AFAP1L2: variants seen among roughly 807,000 people sequenced by gnomAD.
The protein encoded by AFAP1L2 is actin filament-associated protein 1-like 2.
A neutral mutation model predicts 99.3 loss-of-function variants in AFAP1L2; 46 were observed. The ratio of observed to expected loss-of-function variants is 0.46; its 90% CI spans 0.37 to 0.59. AFAP1L2 has a LOEUF of 0.59. AFAP1L2 is among the 20% of genes least tolerant of loss of function. The pLI, the probability that AFAP1L2 is intolerant of heterozygous loss-of-function variation, is 0.00. For synonymous variants in AFAP1L2, 397 were observed against 419.1 expected, an observed-to-expected ratio of 0.95 and a Z score of 0.64; for missense variants, 959 against 1,034.9, an observed-to-expected ratio of 0.93 and a Z score of 1.01.
chr10:114,404,518 AGC>A, upstream of AFAP1L2: 1 of 1,506,598 alleles, frequency 6.6e-7, no homozygotes, highest in Non-Finnish European at 8.8e-7. Flanking sequence ...CGCTCGGCTC[AGC>A]GCCCAGGCCG....
chr10:114,398,057 C>T (rs1223129375), intron 1 of AFAP1L2, among the ~76,000 whole-genome samples: 6 of 152,220 alleles, frequency 3.9e-5, no homozygotes, highest in South Asian at 2.1e-4. Flanking sequence ...CAATGCAACG[C>T]GTCCAGGGGG....
At chr10:114,367,661 T>G (rs73369114) in intron 1 of AFAP1L2, among the ~76,000 whole-genome samples, 28 of 152,120 alleles carry the variant, frequency 1.8e-4, no homozygotes, top group Non-Finnish European at 3.7e-4. Flanking sequence ...AAGACAGGAA[T>G]GAAGGCTCTG....
At chr10:114,285,963 G>A in the AFAP1L2 span, 4 of 1,605,752 alleles carry the variant, frequency 2.5e-6, no homozygotes, top group Non-Finnish European at 3.4e-6. Flanking sequence ...CTGGAATGCA[G>A]GGTCGACCTC....
chr10:114,308,023 T>A, intron 9 of AFAP1L2, 114 bp from the exon 10 acceptor site: 1 of 843,532 alleles, frequency 1.2e-6, no homozygotes, highest in Non-Finnish European at 2.0e-6. Flanking sequence ...CCCTCCCCGC[T>A]ACATATGCGC....
rs773683919 is a variant in AFAP1L2, at chr10:114,300,586, G to A, written c.1647C>T (p.Gly549=). The A allele has an allele frequency of 1.2e-6, 2 of 1,614,070 alleles. No individual in the cohort carries two copies. The highest frequency in any genetic ancestry group is 1.3e-5 in the African/African-American group (1 of 74,932). Reference sequence around the variant, plus strand: ...AGGCCTGGGCCTGTGCACTGCTGGGGCCATGCAGAAAGGACTTGACAGGTG... The same window carrying A: ...AGGCCTGGGCCTGTGCACTGCTGGGACCATGCAGAAAGGACTTGACAGGTG... ...DLTPVKSFLH[G]PSSAQAQASS... is the part of the protein sequence containing the mutation. The change falls in exon 14 of 19, where the codon GGC becomes GGT. Residue 549 remains glycine (G), a synonymous_variant. Coordinates refer to ENST00000304129, the MANE Select transcript of AFAP1L2 (RefSeq NM_001001936.3).
intron 1 of AFAP1L2, among the ~76,000 whole-genome samples, chr10:114,354,188 G>A (rs1590457582): frequency 2.0e-5 from 3 of 152,310 alleles, no homozygotes; most frequent in African/African-American, 7.2e-5. Context: ...CACAAGAAAA[G>A]GGTCTGCCTA....
At chr10:114,337,674 T>C (rs2048187958) in intron 2 of AFAP1L2, among the ~76,000 whole-genome samples, 2 of 152,138 alleles carry the variant, frequency 1.3e-5, no homozygotes, top group Admixed American at 1.3e-4. Context: ...AGCCACATCA[T>C]AGGTTAATTC....
rs1001597688 is a variant in AFAP1L2 at position 114,301,452 on chromosome 10, T to C, written c.1444A>G (p.Lys482Glu). 6.2e-7 allele frequency: 1 copy of C among 1,613,582 alleles called. No homozygotes were observed. The highest frequency in any genetic ancestry group is 1.3e-5 in the African/African-American group (1 of 75,032). ...ATGTAAGTGTTGGGCTCTGAGAACT[T>C]TCTCTGCATCAGTCTGGAAACAGGG... ...AKNSLLLMQRKFSEPNTYIDG... is the reference protein window; with the variant it reads ...AKNSLLLMQREFSEPNTYIDG... The change falls in exon 13 of 19, where the codon AAG becomes GAG. Residue 482 changes from lysine to glutamate, a missense_variant. Lys to Glu is a moderately conservative substitution (Grantham distance 56). Transcript: ENST00000304129.
Position 114,377,686 on chromosome 10 carries a change from T to C in AFAP1L2, c.16+26754A>G, listed in dbSNP as rs1041027988. Among the ~76,000 whole-genome samples the C allele has an allele frequency of 2.6e-5, 4 of 152,226 alleles. No individual in the cohort carries two copies. Among genetic ancestry groups the C allele is most frequent in the Non-Finnish European group, 5.9e-5 (4 of 68,044 alleles). Reference sequence around the variant, plus strand: ...TTTATTGAGCTGTCATACTTCAAGATACAAAAATGAGCAAGATGCATTTCT... The same window carrying C: ...TTTATTGAGCTGTCATACTTCAAGACACAAAAATGAGCAAGATGCATTTCT... On this transcript the variant is annotated intron_variant, in intron 1 of 18. Coordinates refer to ENST00000304129, the MANE Select transcript of AFAP1L2 (RefSeq NM_001001936.3). The surrounding 1 kb of genome is among the most constrained non-coding windows in gnomAD (Gnocchi z 4.0).
In AFAP1L2 at chr10:114,302,444, A is replaced by G. The variant is rs761147996; in HGVS notation, c.1325T>C (p.Leu442Pro). 2 of 1,614,142 alleles carry G rather than the reference A, an allele frequency of 1.2e-6. No homozygotes were observed. Among genetic ancestry groups the G allele is most frequent in the East Asian group, 4.5e-5 (2 of 44,882 alleles). Residue 442 changes from leucine (L) to proline (P), a missense_variant, in exon 12 of 19, where the codon CTG becomes CCG. Transcript: ENST00000304129. ...TGTCTTGGAGCCTGACTCAGAGAGC[A>G]GGAGACCCAGCCAGTGGCCCATTTC... Reference protein sequence around the residue: ...SEEMGHWLGLLLSESGSKTDP... With the variant: ...SEEMGHWLGLPLSESGSKTDP...
At chr10:114,402,777 T>C (rs887012864) in intron 1 of AFAP1L2, among the ~76,000 whole-genome samples, 7 of 152,198 alleles carry the variant, frequency 4.6e-5, no homozygotes, top group Non-Finnish European at 1.0e-4. Context: ...CAAATGTGAT[T>C]TGCCCTGATT....
At chr10:114,403,353 C>T (rs2058400987) in intron 1 of AFAP1L2, among the ~76,000 whole-genome samples, 1 of 152,226 alleles carries the variant, frequency 6.6e-6, no homozygotes, top group Admixed American at 6.5e-5. Context: ...TTTAGGGAAG[C>T]CGGTCCCAAC....
the AFAP1L2 span, chr10:114,285,097 C>A: frequency 6.0e-6 from 4 of 668,136 alleles, no homozygotes; most frequent in East Asian, 1.3e-4. Context: ...CTTTCCAATG[C>A]ACCACTGGTC....
At chr10:114,345,927 G>A (rs934183673) in intron 1 of AFAP1L2, among the ~76,000 whole-genome samples, 38 of 142,504 alleles carry the variant, frequency 2.7e-4, no homozygotes, top group African/African-American at 6.1e-4. Context: ...GTGCCTGCCC[G>A]ATGTAGGCAC....
At chr10:114,289,290 C>G in the AFAP1L2 span, 118 of 1,613,902 alleles carry the variant, frequency 7.3e-5, no homozygotes, top group African/African-American at 1.1e-3. Flanking sequence ...TGCTCACAGG[C>G]GGGAGAGGCG....
At chr10:114,341,260 G>A (rs577660538) in intron 1 of AFAP1L2, among the ~76,000 whole-genome samples, 5 of 152,240 alleles carry the variant, frequency 3.3e-5, no homozygotes, top group South Asian at 2.1e-4. Flanking sequence ...TGTAAGCCTC[G>A]CCTTGGCTTG....
At chr10:114,298,167 C>G (rs1440282839) in intron 16 of AFAP1L2, among the ~76,000 whole-genome samples, 2 of 152,042 alleles carry the variant, frequency 1.3e-5, no homozygotes, top group Non-Finnish European at 2.9e-5. Context: ...CACTTAAGGC[C>G]AGGAGTTCGA....
chr10:114,290,741 C>T (rs540789498), downstream of AFAP1L2, among the ~76,000 whole-genome samples: 18 of 152,212 alleles, frequency 1.2e-4, no homozygotes, highest in Non-Finnish European at 2.4e-4. Flanking sequence ...GGGATGTAGA[C>T]GGAGGCAGGG....
intron 1 of AFAP1L2, among the ~76,000 whole-genome samples, chr10:114,402,380 A>C (rs1452480601): frequency 6.6e-6 from 1 of 152,214 alleles, no homozygotes; most frequent in Non-Finnish European, 1.5e-5. Context: ...GGGATCCCCA[A>C]ATTCCTCAGT....
Sources: allele counts gnomAD v4.1 joint callset (sites outside exome capture counted in the v4.1 genomes callset), GRCh38; gene constraint gnomAD v4.1.1; non-coding constraint Gnocchi (gnomAD v3.1); transcripts MANE v1.5; gene names NCBI Gene and HGNC (gene_info 2026-07-23, HGNC 2026-07-21).